BMP3: variants seen among roughly 807,000 people sequenced by gnomAD.
BMP3 encodes bone morphogenetic protein 3.
In BMP3, 23 loss-of-function variants were observed where a neutral mutation model predicts 38.1. The ratio of observed to expected loss-of-function variants is 0.60; its 90% CI spans 0.43 to 0.86. The LOEUF (loss-of-function observed/expected upper bound fraction) is 0.86, where lower values mean the gene tolerates loss of function less well. Ranked by LOEUF, BMP3 falls within the 40% of genes least tolerant of loss-of-function variation. The pLI, the probability that BMP3 is intolerant of heterozygous loss-of-function variation, is 0.00. For missense variants in BMP3, 628 were observed against 579.6 expected (o/e 1.08, Z -0.86); for synonymous variants, 258 against 225.7 (o/e 1.14, Z -1.28).
chr4:81,032,466 C>T (rs1265834849), intron 1 of BMP3, among the ~76,000 whole-genome samples: 1 of 152,222 alleles, frequency 6.6e-6, no homozygotes, highest in Non-Finnish European at 1.5e-5. Flanking sequence ...AACAGCCTCC[C>T]TCCCTTGTGT....
rs1740228938 is a variant in BMP3 at position 81,046,044 on chromosome 4, A to G, written c.623A>G (p.Lys208Arg). ...LSKDITQLLRKAKENEEFLIG... is the reference protein window; with the variant it reads ...LSKDITQLLRRAKENEEFLIG... Reference sequence around the variant, plus strand: ...AAAGATATCACTCAACTCTTGAGGAAGGCCAAAGAAAATGAAGAGTTCCTC... The same window carrying G: ...AAAGATATCACTCAACTCTTGAGGAGGGCCAAAGAAAATGAAGAGTTCCTC... Residue 208 changes from lysine to arginine, a missense_variant, in exon 2 of 3, where the codon AAG (lysine) becomes AGG (arginine). Physicochemically the swap from Lys to Arg is conservative, Grantham distance 26. Coordinates refer to ENST00000282701, the MANE Select transcript of BMP3 (RefSeq NM_001201.5). 1 of 1,614,188 alleles carries G rather than the reference A, an allele frequency of 6.2e-7. No homozygotes were observed. The highest frequency in any genetic ancestry group is 1.3e-5 in the African/African-American group (1 of 75,060).
intron 1 of BMP3, among the ~76,000 whole-genome samples, chr4:81,040,962 A>G (rs1560511326): frequency 6.6e-6 from 1 of 152,164 alleles, no homozygotes. Context: ...GTATCTGAAT[A>G]TTTCAGAAGA....
Position 81,032,250 on chromosome 4 carries a change from C to T in BMP3, c.316+650C>T, listed in dbSNP as rs1159704554. Among the ~76,000 whole-genome samples the T allele has an allele frequency of 3.7e-5, 4 of 108,748 alleles. No homozygotes were observed. In the East Asian group the frequency reaches 1.2e-3, roughly 32 times the overall value. 71.3% of individuals were successfully genotyped at this position (108,748 alleles called of 152,430 possible). ...TGCTTGGGTGTTTCGATTATTAAAACGCATCTGGGTAAACAGGGGTTGTAC... is the reference window on the plus strand; with the variant it reads ...TGCTTGGGTGTTTCGATTATTAAAATGCATCTGGGTAAACAGGGGTTGTAC... On this transcript the variant is annotated intron_variant, in intron 1 of 2. Transcript: ENST00000282701.
intron 1 of BMP3, among the ~76,000 whole-genome samples, chr4:81,041,549 G>T (rs981739093): frequency 3.3e-5 from 5 of 152,118 alleles, no homozygotes; most frequent in African/African-American, 9.7e-5. Flanking sequence ...CACATCAAGT[G>T]TTGGGCATAA....
intron 1 of BMP3, among the ~76,000 whole-genome samples, chr4:81,043,587 A>T: frequency 2.6e-5 from 1 of 38,740 alleles, no homozygotes; most frequent in Non-Finnish European, 5.8e-5. Flanking sequence ...CAAGCATACT[A>T]CAATTTTTTT....
chr4:81,053,522 T>TG lies in BMP3; in HGVS notation c.1406dup (p.Cys469TrpfsTer15), dbSNP rs770359775. 1 of 1,524,246 alleles carries TG rather than the reference T, an allele frequency of 6.6e-7. No homozygotes were observed. The highest frequency in any genetic ancestry group is 1.3e-5 in the South Asian group (1 of 75,846). 94.4% of individuals were successfully genotyped at this position (1,524,246 alleles called of 1,614,324 possible). A position where few individuals can be genotyped will look rare whatever the true frequency, so the allele number is the denominator to read the frequency against. On this transcript the variant is annotated frameshift_variant, in exon 3 of 3. Coordinates refer to ENST00000282701, the MANE Select transcript of BMP3 (RefSeq NM_001201.5). LOFTEE classifies it high-confidence loss of function. Reference sequence around the variant, plus strand: ...ATACCCTAACATGACAGTAGAGTCTTGCGCTTGCAGATAACCTGGCAAAGA... The same window carrying TG: ...ATACCCTAACATGACAGTAGAGTCTTGGCGCTTGCAGATAACCTGGCAAAGA...
chr4:81,044,534 C>G, intron 1 of BMP3, among the ~76,000 whole-genome samples: 1 of 151,966 alleles, frequency 6.6e-6, no homozygotes, highest in African/African-American at 2.4e-5. Flanking sequence ...CAGTTAATAC[C>G]CTCACAATGT....
At chr4:81,050,177 T>C (rs1403218591) in intron 2 of BMP3, among the ~76,000 whole-genome samples, 1 of 152,192 alleles carries the variant, frequency 6.6e-6, no homozygotes, top group East Asian at 1.9e-4. Context: ...GAATGAAGGC[T>C]CTTAGCTGAT....
intron 2 of BMP3, among the ~76,000 whole-genome samples, chr4:81,052,725 A>T (rs1045545962): frequency 1.3e-5 from 2 of 152,140 alleles, no homozygotes; most frequent in Non-Finnish European, 2.9e-5. Flanking sequence ...GAATAATTAC[A>T]TAGTGGAATA....
Position 81,046,357 on chromosome 4 carries a change from T to C in BMP3, c.936T>C (p.Asp312=). The C allele has an allele frequency of 6.2e-7, 1 of 1,613,864 alleles. No individual in the cohort carries two copies. Among genetic ancestry groups the C allele is most frequent in the Non-Finnish European group, 8.5e-7 (1 of 1,179,986 alleles). Residue 312 remains aspartate, a synonymous_variant, in exon 2 of 3, where the codon GAT becomes GAC. Coordinates refer to ENST00000282701, the MANE Select transcript of BMP3 (RefSeq NM_001201.5). ...GGGCAGAATACCAGTATAAAAAGGA[T>C]GAGGTGTGGGAGGAGAGAAAGCCTT... The part of the protein sequence containing the change: ...LPGAEYQYKK[D]EVWEERKPYK...
At chr4:81,047,217 A>G (rs1229460860) in intron 2 of BMP3, among the ~76,000 whole-genome samples, 1 of 152,212 alleles carries the variant, frequency 6.6e-6, no homozygotes. Flanking sequence ...ATTGCTAAAC[A>G]TCAGAAAAGG....
At chr4:81,033,524 C>A (rs2109900924) in intron 1 of BMP3, among the ~76,000 whole-genome samples, 1 of 152,228 alleles carries the variant, frequency 6.6e-6, no homozygotes, top group South Asian at 2.1e-4. Flanking sequence ...GAAAAGTAAT[C>A]CCTTTAGCAT....
intron 1 of BMP3, among the ~76,000 whole-genome samples, chr4:81,044,450 G>GT (rs1227964059): frequency 1.3e-5 from 2 of 152,078 alleles, no homozygotes; most frequent in Non-Finnish European, 2.9e-5. Flanking sequence ...CTGCATAATT[G>GT]TTTTGCTTTG....
In BMP3 at chr4:81,053,972, A is replaced by C. The variant is rs535421442; in HGVS notation, c.*436A>C. 6.5e-6 allele frequency: 1 copy of C among 152,936 alleles called. No individual in the cohort carries two copies. Among genetic ancestry groups the C allele is most frequent in the East Asian group, 1.9e-4 (1 of 5,186 alleles). The allele number at this position is 152,936 out of a possible 1,614,324, so 9.5% of individuals were successfully genotyped here. A position where few individuals can be genotyped will look rare whatever the true frequency, so the allele number is the denominator to read the frequency against. The stretch of plus-strand genomic sequence containing the variant: ...GGCTTATTGCCTTAGAATCCTGAGA[A>C]AGTGCTAAATAATCAACTCTGATGT... On this transcript the variant is annotated 3_prime_UTR_variant, in exon 3 of 3. Coordinates refer to ENST00000282701, the MANE Select transcript of BMP3 (RefSeq NM_001201.5).
chr4:81,040,544 TCTCTC>T (rs1399922972), intron 1 of BMP3, among the ~76,000 whole-genome samples: 15 of 152,292 alleles, frequency 9.8e-5, no homozygotes, highest in African/African-American at 3.1e-4. Context: ...AAAACCCTGA[TCTCTC>T]CACAGTCCCT....
rs557572442 is a variant in BMP3, at chr4:81,054,022, G to A, written c.*486G>A. On this transcript the variant is annotated 3_prime_UTR_variant, in exon 3 of 3. Coordinates refer to ENST00000282701, the MANE Select transcript of BMP3 (RefSeq NM_001201.5). ...TTTTTCTTAAGTTCTTGAGACTCTTGTTTATCCTTGTTTTTCCTCCACAAG... is the reference window on the plus strand; with the variant it reads ...TTTTTCTTAAGTTCTTGAGACTCTTATTTATCCTTGTTTTTCCTCCACAAG... 2.0e-5 allele frequency: 3 copies of A among 152,854 alleles called. No homozygotes were observed. The highest frequency in any genetic ancestry group is 3.9e-4 in the East Asian group (2 of 5,176). 9.5% of individuals were successfully genotyped at this position (152,854 alleles called of 1,614,324 possible).
chr4:81,043,144 C>A (rs187809823), intron 1 of BMP3, among the ~76,000 whole-genome samples: 1 of 152,150 alleles, frequency 6.6e-6, no homozygotes, highest in African/African-American at 2.4e-5. Flanking sequence ...TGATCAAGAA[C>A]ATAATTTCAC....
rs954023090 is a variant in BMP3, at chr4:81,057,363, C to T, written c.*3827C>T. ...TCCTTTTTACTACAGTTTTTAGATGCAAAATGCAGTTTGGTTCTTTAGTCA... is the reference window on the plus strand; with the variant it reads ...TCCTTTTTACTACAGTTTTTAGATGTAAAATGCAGTTTGGTTCTTTAGTCA... On this transcript the variant is annotated 3_prime_UTR_variant, in exon 3 of 3. Transcript: ENST00000282701. 1 of 152,010 alleles carries T rather than the reference C, an allele frequency of 6.6e-6. No individual in the cohort carries two copies. Among genetic ancestry groups the T allele is most frequent in the Non-Finnish European group, 1.5e-5 (1 of 67,958 alleles). 9.4% of individuals were successfully genotyped at this position (152,010 alleles called of 1,614,324 possible). A position where few individuals can be genotyped will look rare whatever the true frequency, so the allele number is the denominator to read the frequency against.
chr4:81,046,086 C>T lies in BMP3; in HGVS notation c.665C>T (p.Thr222Met), dbSNP rs34505126. ...GAGTTCCTCATAGGATTTAACATTA[C>T]GTCCAAGGGACGCCAGCTGCCAAAG... The part of the protein sequence containing the change: ...NEEFLIGFNI[T>M]SKGRQLPKRR... The change falls in exon 2 of 3, where the codon ACG becomes ATG. Residue 222 changes from threonine to methionine, a missense_variant. Transcript: ENST00000282701. 4.4e-3 allele frequency: 7,166 copies of T among 1,614,156 alleles called. 189 individuals are homozygous for T. The African/African-American group carries it at 0.066, about 15-fold the overall frequency.
Sources: allele counts gnomAD v4.1 joint callset (sites outside exome capture counted in the v4.1 genomes callset), GRCh38; gene constraint gnomAD v4.1.1; transcripts MANE v1.5; gene names NCBI Gene and HGNC (gene_info 2026-07-23, HGNC 2026-07-21).